The following CCDC171 variants were observed in gnomAD, a reference collection of about 807,000 sequenced individuals.
The protein encoded by CCDC171 is coiled-coil domain-containing protein 171.
In CCDC171, 177 loss-of-function variants were observed where a neutral mutation model predicts 168.2. The observed-to-expected ratio is 1.05, with a 90% confidence interval of 0.93 to 1.19. The LOEUF (loss-of-function observed/expected upper bound fraction) is 1.19, where lower values mean the gene tolerates loss of function less well. Ranked by LOEUF, CCDC171 falls within the 50% of genes most tolerant of loss-of-function variation. The probability of loss-of-function intolerance (pLI) is 0.00; values close to 1 mark genes in which losing one functional copy is unlikely to be tolerated. For synonymous variants in CCDC171, 687 were observed against 540.8 expected (o/e 1.27, Z -3.75); for missense variants, 1,991 against 1,539.0 (o/e 1.29, Z -4.91).
At chr9:16,074,619 G>A in the CCDC171 span, among the ~76,000 whole-genome samples, 1 of 152,114 alleles carries the variant, frequency 6.6e-6, no homozygotes, top group African/African-American at 2.4e-5. Context: ...AATAATTCAA[G>A]GCTTTGTGGA....
chr9:15,708,578 C>A (rs1267180752), intron 11 of CCDC171, among the ~76,000 whole-genome samples: 1 of 152,154 alleles, frequency 6.6e-6, no homozygotes, highest in East Asian at 1.9e-4. Flanking sequence ...CATACCATCT[C>A]CGTGTAACTC....
intron 21 of CCDC171, among the ~76,000 whole-genome samples, chr9:15,797,424 C>G (rs746378887): frequency 6.6e-6 from 1 of 152,070 alleles, no homozygotes; most frequent in South Asian, 2.1e-4. Context: ...CCATGTTGCC[C>G]AGGCTGGTCT....
Position 15,571,617 on chromosome 9 carries a change from T to C in CCDC171, c.42-7T>C. 1 of 1,537,310 alleles carries C rather than the reference T, an allele frequency of 6.5e-7. No individual in the cohort carries two copies. The highest frequency in any genetic ancestry group is 8.7e-7 in the Non-Finnish European group (1 of 1,147,092). ...CATATACATTTTACTGTAATCTCAT[T>C]TTAAAGGTTGAAGATTGCCTCATTG... is the stretch of plus-strand genomic sequence containing the variant. On this transcript the variant is annotated splice_region_variant and splice_polypyrimidine_tract_variant and intron_variant, in intron 2 of 25. Coordinates refer to ENST00000380701, the MANE Select transcript of CCDC171 (RefSeq NM_173550.4).
intron 9 of CCDC171, among the ~76,000 whole-genome samples, chr9:15,676,684 G>A (rs2049595300): frequency 6.6e-6 from 1 of 151,924 alleles, no homozygotes; most frequent in Non-Finnish European, 1.5e-5. Flanking sequence ...TTCTCCATTG[G>A]AAAGTAGCTA....
Position 15,779,063 on chromosome 9 carries a change from A to G in CCDC171, c.2994A>G (p.Thr998=). Residue 998 remains threonine (T), a synonymous_variant, in exon 20 of 26, where the codon ACA becomes ACG. Coordinates refer to ENST00000380701, the MANE Select transcript of CCDC171 (RefSeq NM_173550.4). ...GCCGCTCACTACGCTTAGAGGTCAC[A>G]GAATTCAAACGAAGTGTGAATGAAA... ...VERRSLRLEV[T]EFKRSVNEMK... The G allele has an allele frequency of 6.2e-7, 1 of 1,606,424 alleles. No homozygotes were observed. Among genetic ancestry groups the G allele is most frequent in the Non-Finnish European group, 8.5e-7 (1 of 1,176,752 alleles).
At chr9:16,085,114 ATGTCAGCC>A in the CCDC171 span, among the ~76,000 whole-genome samples, 1 of 152,192 alleles carries the variant, frequency 6.6e-6, no homozygotes, top group Non-Finnish European at 1.5e-5. Context: ...GGAGGGCAGC[ATGTCAGCC>A]TGTGCCAGGC....
chr9:15,750,395 G>C (rs2055641198), intron 18 of CCDC171, among the ~76,000 whole-genome samples: 1 of 152,180 alleles, frequency 6.6e-6, no homozygotes. Flanking sequence ...GAGGTACAAA[G>C]AGGAGCTGGT....
intron 11 of CCDC171, among the ~76,000 whole-genome samples, chr9:15,717,784 C>A (rs559668317): frequency 6.6e-6 from 1 of 152,258 alleles, no homozygotes; most frequent in Non-Finnish European, 1.5e-5. Flanking sequence ...TGGCAGGATT[C>A]ATCACCTACT....
At chr9:15,879,415 CG>C (rs1345474875) in intron 24 of CCDC171, among the ~76,000 whole-genome samples, 1 of 152,012 alleles carries the variant, frequency 6.6e-6, no homozygotes, top group Admixed American at 6.6e-5. Flanking sequence ...TCTGTCCCCT[CG>C]AATGCTTTTC....
At chr9:15,865,075 A>G (rs925349029) in intron 23 of CCDC171, among the ~76,000 whole-genome samples, 2 of 152,062 alleles carry the variant, frequency 1.3e-5, no homozygotes, top group African/African-American at 2.4e-5. Flanking sequence ...CAATCCAGAA[A>G]TTGTAAAAAC....
chr9:15,767,734 A>G (rs1214555093), intron 18 of CCDC171, among the ~76,000 whole-genome samples: 1 of 145,742 alleles, frequency 6.9e-6, no homozygotes, highest in Non-Finnish European at 1.5e-5. Flanking sequence ...CCATGATATT[A>G]CTCCTGTTTC....
At chr9:15,787,524 C>A (rs1456241031) in intron 21 of CCDC171, among the ~76,000 whole-genome samples, 1 of 152,088 alleles carries the variant, frequency 6.6e-6, no homozygotes, top group Non-Finnish European at 1.5e-5. Flanking sequence ...TCCTCTTCTT[C>A]CTTTTTTTCT....
At chr9:15,860,477 C>G (rs935735440) in intron 23 of CCDC171, among the ~76,000 whole-genome samples, 5 of 151,868 alleles carry the variant, frequency 3.3e-5, no homozygotes, top group Admixed American at 2.0e-4. Flanking sequence ...CATTTTGTCT[C>G]AAGATATTTT....
intron 21 of CCDC171, among the ~76,000 whole-genome samples, chr9:15,831,755 C>G (rs1290253141): frequency 2.0e-5 from 3 of 151,934 alleles, no homozygotes; most frequent in Admixed American, 1.3e-4. Context: ...ATTATTGAGT[C>G]AACTACAAAG....
chr9:15,948,905 T>A (rs562161738), intron 25 of CCDC171, among the ~76,000 whole-genome samples: 1 of 152,170 alleles, frequency 6.6e-6, no homozygotes, highest in Non-Finnish European at 1.5e-5. Context: ...CCCATGCCTA[T>A]GTCCTGAATG....
At chr9:15,914,278 G>A (rs1824156116) in intron 24 of CCDC171, among the ~76,000 whole-genome samples, 1 of 152,180 alleles carries the variant, frequency 6.6e-6, no homozygotes, top group African/African-American at 2.4e-5. Context: ...TCTGTCCCAG[G>A]GAGATGGGAG....
At chr9:15,811,626 T>G (rs1420338704) in intron 21 of CCDC171, among the ~76,000 whole-genome samples, 1 of 152,210 alleles carries the variant, frequency 6.6e-6, no homozygotes, top group Non-Finnish European at 1.5e-5. Context: ...GGATTTAAAT[T>G]TAGTTACTGT....
At chr9:15,994,794 T>C (rs1162722813) in intron 3 of CCDC171, among the ~76,000 whole-genome samples, 1 of 152,222 alleles carries the variant, frequency 6.6e-6, no homozygotes, top group Non-Finnish European at 1.5e-5. Flanking sequence ...TCACCATCAG[T>C]CAATGAATGA....
intron 3 of CCDC171, among the ~76,000 whole-genome samples, chr9:16,003,009 C>T (rs1832600263): frequency 6.6e-6 from 1 of 152,188 alleles, no homozygotes; most frequent in Non-Finnish European, 1.5e-5. Flanking sequence ...CATCGCCTCA[C>T]AATGTGTTTC....
Sources: allele counts gnomAD v4.1 joint callset (sites outside exome capture counted in the v4.1 genomes callset), GRCh38; gene constraint gnomAD v4.1.1; transcripts MANE v1.5; gene names NCBI Gene and HGNC (gene_info 2026-07-23, HGNC 2026-07-21).